The following AKR7A3 variants were observed in gnomAD, a reference collection of about 807,000 sequenced individuals.
The protein encoded by AKR7A3 is aldo-keto reductase family 7 member A3, also known as AFB1 aldehyde reductase 2.
AKR7A3 carries 37 observed loss-of-function variants against 32.5 expected under a neutral mutation model. The observed-to-expected ratio is 1.14, with a 90% confidence interval of 0.88 to 1.50. The LOEUF is 1.50. AKR7A3 is among the 40% of genes most tolerant of loss of function. The pLI, the probability that AKR7A3 is intolerant of heterozygous loss-of-function variation, is 0.00. For missense variants in AKR7A3, 412 were observed against 453.2 expected (o/e 0.91, Z 0.83); for synonymous variants, 177 against 188.4 (o/e 0.94, Z 0.50).
Position 19,285,850 on chromosome 1 carries a change from G to C in AKR7A3, c.507+38C>G, listed in dbSNP as rs376940098. 55 of 1,612,084 alleles carry C rather than the reference G, an allele frequency of 3.4e-5. 1 individual carries two copies. The highest frequency in any genetic ancestry group is 4.2e-6 in the Non-Finnish European group (5 of 1,178,960). ...CAAAGACAGCCCAGGATGAGCAGGA[G>C]TTCTGGAGACCTTGGCCTCTGCAGC... On this transcript the variant is annotated intron_variant, in intron 3 of 6. Transcript: ENST00000361640.
chr1:19,277,528 C>CT, the AKR7A3 span, among the ~76,000 whole-genome samples: 82 of 147,748 alleles, frequency 5.5e-4, 2 homozygotes, highest in Admixed American at 1.7e-3. Context: ...TAAGCATTTA[C>CT]TTTTTTTTTT....
chr1:19,287,183 A>G (rs1313738046), intron 1 of AKR7A3, among the ~76,000 whole-genome samples: 1 of 151,330 alleles, frequency 6.6e-6, no homozygotes. Context: ...GTGCTACTGT[A>G]GTAGTCCCAG....
At chr1:19,283,936 T>C (rs892355405) in intron 6 of AKR7A3, 60 bp downstream of exon 6, 13 of 1,608,184 alleles carry the variant, frequency 8.1e-6, no homozygotes, top group East Asian at 2.2e-5. Flanking sequence ...AGCCTTCATC[T>C]AAAGATATTG....
chr1:19,288,313 T>C (rs892181726), intron 1 of AKR7A3, among the ~76,000 whole-genome samples, 183 bp downstream of exon 1: 3 of 138,100 alleles, frequency 2.2e-5, no homozygotes. Flanking sequence ...AGAAAAGTTG[T>C]CCGGAGCTAG....
At chr1:19,279,980 G>A (rs188643341), downstream of AKR7A3, among the ~76,000 whole-genome samples, 5 of 146,134 alleles carry the variant, frequency 3.4e-5, no homozygotes, top group East Asian at 5.8e-4. Context: ...TTTTATGTGC[G>A]GCCCAAGACA....
At position 19,288,569 on chromosome 1, in the gene AKR7A3, G is replaced by T; in HGVS notation, c.141C>A (p.Phe47Leu). Reference protein sequence around the residue: ...ERGHTEIDTAFVYSEGQSETI... With the variant: ...ERGHTEIDTALVYSEGQSETI... ...TCTCGGACTGGCCCTCGCTGTACAC[G>T]AAGGCCGTGTCTATCTCGGTGTGGC... Residue 47 changes from phenylalanine to leucine, a missense_variant, in exon 1 of 7, where the codon TTC becomes TTA. By Grantham distance (22) the Phe-to-Leu change is conservative. Coordinates refer to ENST00000361640, the MANE Select transcript of AKR7A3 (RefSeq NM_012067.3). 1 of 1,609,600 alleles carries T rather than the reference G, an allele frequency of 6.2e-7. No homozygotes were observed.
In AKR7A3 at chr1:19,283,980, C is replaced by A. The variant is rs1410472145; in HGVS notation, c.834+16G>T. 6.2e-7 allele frequency: 1 copy of A among 1,612,684 alleles called. No homozygotes were observed. Among genetic ancestry groups the A allele is most frequent in the African/African-American group, 1.3e-5 (1 of 74,740 alleles). On this transcript the variant is annotated intron_variant, in intron 6 of 6. Coordinates refer to ENST00000361640, the MANE Select transcript of AKR7A3 (RefSeq NM_012067.3). ...CCTGGAAGGGAAGAAGCTGAGCGCA[C>A]AGGGTCACTGGTTACCTGCAGCTGT...
intron 6 of AKR7A3, 59 bp downstream of exon 6, chr1:19,283,937 A>C: frequency 6.2e-7 from 1 of 1,608,136 alleles, no homozygotes; most frequent in Non-Finnish European, 8.5e-7. Flanking sequence ...GCCTTCATCT[A>C]AAGATATTGC....
In AKR7A3 at chr1:19,285,131, C is replaced by T. The variant is rs748360363; in HGVS notation, c.508-17G>A. 2 of 1,613,138 alleles carry T rather than the reference C, an allele frequency of 1.2e-6. No homozygotes were observed. The highest frequency in any genetic ancestry group is 1.1e-5 in the South Asian group (1 of 91,052). Reference sequence around the variant, plus strand: ...GTACATGCCCTGTAAGGAGAGGGGCCCCGGGGGAGAGGGTGGATGTGTCAA... The same window carrying T: ...GTACATGCCCTGTAAGGAGAGGGGCTCCGGGGGAGAGGGTGGATGTGTCAA... On this transcript the variant is annotated splice_polypyrimidine_tract_variant and intron_variant, in intron 3 of 6. Transcript: ENST00000361640.
the AKR7A3 span, among the ~76,000 whole-genome samples, chr1:19,277,455 G>C: frequency 1.2e-4 from 18 of 151,770 alleles, no homozygotes; most frequent in Admixed American, 1.2e-3. Context: ...GTAGTGCTAA[G>C]AGGGAAATTT....
the AKR7A3 span, among the ~76,000 whole-genome samples, chr1:19,274,407 C>T: frequency 1.3e-5 from 2 of 151,856 alleles, no homozygotes; most frequent in Non-Finnish European, 2.9e-5. Flanking sequence ...TGGGACTCCT[C>T]CCTGCCCCGT....
chr1:19,281,202 C>T (rs114478836), downstream of AKR7A3, among the ~76,000 whole-genome samples: 148 of 151,804 alleles, frequency 9.7e-4, 5 homozygotes, highest in African/African-American at 3.3e-3. Flanking sequence ...CCACCACGCC[C>T]GGCTATGTAG....
downstream of AKR7A3, among the ~76,000 whole-genome samples, chr1:19,282,218 T>A (rs1248206341): frequency 4.0e-5 from 6 of 151,756 alleles, no homozygotes; most frequent in Non-Finnish European, 8.8e-5. Context: ...GTGAGCCTGG[T>A]GGGAGGGGTT....
the AKR7A3 span, among the ~76,000 whole-genome samples, chr1:19,277,415 A>T: frequency 5.9e-5 from 9 of 151,982 alleles, no homozygotes. Context: ...TAAAAACATG[A>T]CATGTCAAAT....
At chr1:19,277,245 T>G in the AKR7A3 span, among the ~76,000 whole-genome samples, 1 of 151,132 alleles carries the variant, frequency 6.6e-6, no homozygotes, top group Non-Finnish European at 1.5e-5. Context: ...GAACTGAAAA[T>G]AAGTAAATAG....
At chr1:19,283,866 G>C in intron 6 of AKR7A3, 130 bp downstream of exon 6, 1 of 1,460,832 alleles carries the variant, frequency 6.8e-7, no homozygotes, top group Non-Finnish European at 9.2e-7. Flanking sequence ...CCAGTGGGAA[G>C]AATGTTTGTG....
At chr1:19,276,710 G>A in the AKR7A3 span, among the ~76,000 whole-genome samples, 1 of 151,654 alleles carries the variant, frequency 6.6e-6, no homozygotes, top group East Asian at 1.9e-4. Context: ...GCTGAGGCAG[G>A]ATAATCACTT....
rs1390032042 is a variant in AKR7A3, at chr1:19,284,069, G to A, written c.761C>T (p.Ala254Val). 1 of 1,613,576 alleles carries A rather than the reference G, an allele frequency of 6.2e-7. No homozygotes were observed. The highest frequency in any genetic ancestry group is 8.5e-7 in the Non-Finnish European group (1 of 1,179,856). The change falls in exon 6 of 7, where the codon GCC becomes GTC. Residue 254 changes from alanine to valine, a missense_variant. Coordinates refer to ENST00000361640, the MANE Select transcript of AKR7A3 (RefSeq NM_012067.3). ...GCTGGGGGCGCTGGCGCCATACGCGGCCTGCAGGGCCTTCTCCACCAGGGC... is the reference window on the plus strand; with the variant it reads ...GCTGGGGGCGCTGGCGCCATACGCGACCTGCAGGGCCTTCTCCACCAGGGC... ...GIALVEKALQAAYGASAPSMT... is the reference protein window; with the variant it reads ...GIALVEKALQVAYGASAPSMT...
At position 19,282,786 on chromosome 1, in the gene AKR7A3, G is replaced by A. The variant is rs1378669213; in HGVS notation, c.941C>T (p.Ala314Val). 6.2e-7 allele frequency: 1 copy of A among 1,613,662 alleles called. No individual in the cohort carries two copies. The highest frequency in any genetic ancestry group is 2.2e-5 in the East Asian group (1 of 44,872). Residue 314 changes from alanine (A) to valine (V), a missense_variant, in exon 7 of 7, where the codon GCC becomes GTC. Transcript: ENST00000361640. ...EGPLEPAVVD[A>V]FNQAWHLVTH... is the part of the protein sequence containing the mutation. ...AACCAAATGCCAGGCTTGATTAAAG[G>A]CGTCCACGACAGCCGGCTCCAGGGG...
Sources: gnomAD v4.1 joint callset for allele counts (sites outside exome capture counted in the v4.1 genomes callset) on GRCh38, gnomAD v4.1.1 for gene constraint, MANE v1.5 for transcripts, NCBI Gene and HGNC (gene_info 2026-07-23, HGNC 2026-07-21) for gene names.